Variants in NCKAP5 observed in about 807,000 individuals in gnomAD.
NCKAP5 encodes NCK associated protein 5.
NCKAP5 carries 92 observed loss-of-function variants against 167.0 expected under a neutral mutation model. The observed-to-expected ratio is 0.55, with a 90% CI of 0.47 to 0.66. The LOEUF is 0.66. Among genes scored for constraint, NCKAP5 ranks in the 30% least tolerant of loss-of-function variants. The probability of loss-of-function intolerance (pLI) is 0.00; values close to 1 mark genes in which losing one functional copy is unlikely to be tolerated. For synonymous variants in NCKAP5, 891 were observed against 877.4 expected (o/e 1.02, Z -0.27); for missense variants, 2,378 against 2,315.0 (o/e 1.03, Z -0.56).
intron 7 of NCKAP5, among the ~76,000 whole-genome samples, chr2:132,993,600 C>T (rs1299605023): frequency 6.6e-6 from 1 of 152,184 alleles, no homozygotes; most frequent in Admixed American, 6.5e-5. Flanking sequence ...CTCTCAGTCT[C>T]ACTGTAACTT....
At chr2:133,489,544 C>G (rs1380383796) in intron 3 of NCKAP5, among the ~76,000 whole-genome samples, 1 of 152,182 alleles carries the variant, frequency 6.6e-6, no homozygotes, top group Non-Finnish European at 1.5e-5. Flanking sequence ...AGTCTTCTTA[C>G]AGCAAAATAG....
chr2:133,272,700 C>T (rs1398519296), intron 4 of NCKAP5, among the ~76,000 whole-genome samples: 1 of 152,162 alleles, frequency 6.6e-6, no homozygotes, highest in African/African-American at 2.4e-5. Flanking sequence ...CAAAAAGTAC[C>T]TATTAACATT....
chr2:132,882,140 T>TC (rs1691805063), intron 8 of NCKAP5, among the ~76,000 whole-genome samples: 1 of 152,214 alleles, frequency 6.6e-6, no homozygotes, highest in African/African-American at 2.4e-5. Context: ...TTAAATACTT[T>TC]CTTTTTCAGC....
At position 133,352,517 on chromosome 2, in the gene NCKAP5, G is replaced by C. The variant is rs1303288276; in HGVS notation, c.70-49407C>G. Among the ~76,000 whole-genome samples, 3 of 152,240 alleles carry C rather than the reference G, an allele frequency of 2.0e-5. No homozygotes were observed. The East Asian group carries it at 5.8e-4, about 29-fold the overall frequency. Reference sequence around the variant, plus strand: ...AGGTCTGAAGGCCTTTCTAGAGTGTGTTGGGTAGAGGCAGGGGAAGAGGAG... The same window carrying C: ...AGGTCTGAAGGCCTTTCTAGAGTGTCTTGGGTAGAGGCAGGGGAAGAGGAG... On this transcript the variant is annotated intron_variant, in intron 3 of 19. Transcript: ENST00000409261.
upstream of NCKAP5, among the ~76,000 whole-genome samples, chr2:133,570,557 T>C (rs140865239): frequency 1.1e-3 from 167 of 152,306 alleles, 1 homozygote; most frequent in African/African-American, 3.7e-3. Flanking sequence ...CCCCTTATAT[T>C]TGAGGACTGA....
At chr2:133,295,494 CAT>C (rs1213157733) in intron 4 of NCKAP5, among the ~76,000 whole-genome samples, 1 of 152,160 alleles carries the variant, frequency 6.6e-6, no homozygotes, top group Non-Finnish European at 1.5e-5. Flanking sequence ...GGAGTACCCT[CAT>C]TTTTCTTAAA....
At chr2:133,316,391 A>G (rs1681611394) in intron 3 of NCKAP5, among the ~76,000 whole-genome samples, 1 of 152,190 alleles carries the variant, frequency 6.6e-6, no homozygotes, top group African/African-American at 2.4e-5. Context: ...GAAAACCTAG[A>G]CTGCCTATCC....
intron 5 of NCKAP5, among the ~76,000 whole-genome samples, chr2:133,200,113 T>C (rs1300049024): frequency 1.4e-5 from 2 of 145,924 alleles, no homozygotes; most frequent in African/African-American, 2.6e-5. Context: ...AAAATTGATA[T>C]GGAAATGCAG....
the NCKAP5 span, among the ~76,000 whole-genome samples, chr2:133,616,140 G>A: frequency 2.9e-3 from 445 of 151,832 alleles, 2 homozygotes; most frequent in African/African-American, 9.9e-3. Flanking sequence ...TCCCTGGGAC[G>A]CATTCAAAGC....
intron 8 of NCKAP5, among the ~76,000 whole-genome samples, chr2:132,922,082 T>C (rs1011902864): frequency 6.6e-6 from 1 of 152,190 alleles, no homozygotes; most frequent in Non-Finnish European, 1.5e-5. Context: ...CACCTGATTC[T>C]GATGACACCA....
At chr2:133,601,384 G>A in the NCKAP5 span, among the ~76,000 whole-genome samples, 1 of 152,168 alleles carries the variant, frequency 6.6e-6, no homozygotes, top group African/African-American at 2.4e-5. Context: ...CACCAACAAT[G>A]TGCCAGGCAT....
chr2:132,680,925 A>G (rs565622227), intron 19 of NCKAP5, among the ~76,000 whole-genome samples: 1 of 152,306 alleles, frequency 6.6e-6, no homozygotes, highest in African/African-American at 2.4e-5. Context: ...CCAGGGGGGA[A>G]CAGATCCACA....
chr2:133,390,641 C>T (rs1223738284), intron 3 of NCKAP5, among the ~76,000 whole-genome samples: 1 of 152,208 alleles, frequency 6.6e-6, no homozygotes, highest in East Asian at 1.9e-4. Context: ...TCATCAGCCT[C>T]TAATTTCCCC....
chr2:133,234,936 G>T (rs2087327680), intron 4 of NCKAP5, among the ~76,000 whole-genome samples: 1 of 141,650 alleles, frequency 7.1e-6, no homozygotes. Context: ...GTTGTTAATT[G>T]GCCTTAAGAC....
At chr2:133,125,347 C>T (rs1482024034) in intron 6 of NCKAP5, among the ~76,000 whole-genome samples, 1 of 151,854 alleles carries the variant, frequency 6.6e-6, no homozygotes, top group African/African-American at 2.4e-5. Flanking sequence ...ATTACCTCAA[C>T]ATGGATAATA....
chr2:133,034,470 T>C (rs2078979043), intron 6 of NCKAP5, among the ~76,000 whole-genome samples: 1 of 152,084 alleles, frequency 6.6e-6, no homozygotes, highest in African/African-American at 2.4e-5. Context: ...AAATACAGAA[T>C]ATTATAACCC....
At chr2:132,944,830 T>C (rs755929558) in intron 8 of NCKAP5, among the ~76,000 whole-genome samples, 16 of 152,208 alleles carry the variant, frequency 1.1e-4, no homozygotes, top group Non-Finnish European at 1.8e-4. Flanking sequence ...GGATTTTCTC[T>C]TGGCCCAACC....
chr2:133,225,081 C>T (rs2086822267), intron 4 of NCKAP5, among the ~76,000 whole-genome samples: 1 of 152,116 alleles, frequency 6.6e-6, no homozygotes, highest in Non-Finnish European at 1.5e-5. Context: ...TAAAATTCCA[C>T]TAAAATAAAT....
chr2:133,135,381 G>T (rs2082752656), intron 5 of NCKAP5, among the ~76,000 whole-genome samples: 1 of 150,924 alleles, frequency 6.6e-6, no homozygotes, highest in Admixed American at 6.6e-5. Context: ...CCAGGGGACA[G>T]GAGTGGCATA....
Sources: allele counts gnomAD v4.1 joint callset (sites outside exome capture counted in the v4.1 genomes callset), GRCh38; gene constraint gnomAD v4.1.1; transcripts MANE v1.5; gene names NCBI Gene and HGNC (gene_info 2026-07-23, HGNC 2026-07-21).